The following LRRC4C variants were observed in gnomAD, a reference collection of about 807,000 sequenced individuals.
The protein encoded by LRRC4C is leucine-rich repeat-containing protein 4C.
A neutral mutation model predicts 33.6 loss-of-function variants in LRRC4C; 5 were observed. The ratio of observed to expected loss-of-function variants is 0.15; its 90% CI spans 0.08 to 0.31. LRRC4C has a LOEUF of 0.31. Among genes scored for constraint, LRRC4C ranks in the 10% least tolerant of loss-of-function variants. The probability of loss-of-function intolerance (pLI) is 1.00; values close to 1 mark genes in which losing one functional copy is unlikely to be tolerated. For synonymous variants in LRRC4C, 329 were observed against 302.0 expected (o/e 1.09, Z -0.93); for missense variants, 560 against 796.7 (o/e 0.70, Z 3.58).
At chr11:41,410,421 T>G (rs1010644634) in intron 1 of LRRC4C, among the ~76,000 whole-genome samples, 15 of 151,498 alleles carry the variant, frequency 9.9e-5, no homozygotes, top group African/African-American at 1.9e-4. Context: ...TTTTTCTTTT[T>G]TTTTTTTCGA....
At chr11:40,710,962 A>C (rs754927299) in intron 2 of LRRC4C, among the ~76,000 whole-genome samples, 4 of 152,018 alleles carry the variant, frequency 2.6e-5, no homozygotes, top group Non-Finnish European at 4.4e-5. Context: ...TGAGACTAGC[A>C]GTGGGCAAGG....
At chr11:40,891,932 G>C (rs933141433) in intron 2 of LRRC4C, among the ~76,000 whole-genome samples, 3 of 151,846 alleles carry the variant, frequency 2.0e-5, no homozygotes, top group South Asian at 4.2e-4. Context: ...TCAGGAGATC[G>C]AGACCATCCT....
intron 3 of LRRC4C, among the ~76,000 whole-genome samples, chr11:40,528,423 A>G (rs1956143825): frequency 6.6e-6 from 1 of 152,184 alleles, no homozygotes; most frequent in Admixed American, 6.5e-5. Context: ...CATTAGCAAA[A>G]TGAAAGTAAA....
At chr11:41,145,779 A>T (rs185074698) in intron 1 of LRRC4C, among the ~76,000 whole-genome samples, 2 of 152,288 alleles carry the variant, frequency 1.3e-5, no homozygotes, top group African/African-American at 4.8e-5. Flanking sequence ...TTCATGTGAC[A>T]CTTCTCTTTC....
At chr11:41,249,554 GC>G (rs1370146076) in intron 1 of LRRC4C, among the ~76,000 whole-genome samples, 2 of 151,984 alleles carry the variant, frequency 1.3e-5, no homozygotes, top group Admixed American at 6.6e-5. Context: ...CTTTTTGACT[GC>G]CTTTGCTTCC....
At chr11:41,293,185 A>G (rs970942354) in intron 1 of LRRC4C, among the ~76,000 whole-genome samples, 4 of 152,214 alleles carry the variant, frequency 2.6e-5, no homozygotes, top group South Asian at 2.1e-4. Flanking sequence ...TTTTAAACAT[A>G]TAAGTATATA....
intron 1 of LRRC4C, among the ~76,000 whole-genome samples, chr11:41,384,513 G>A (rs1172634370): frequency 6.6e-6 from 1 of 151,412 alleles, no homozygotes; most frequent in Non-Finnish European, 1.5e-5. Context: ...TTAAAAACAT[G>A]CCAACAAGTT....
intron 3 of LRRC4C, among the ~76,000 whole-genome samples, chr11:40,522,864 G>T (rs1039055985): frequency 1.3e-5 from 2 of 152,094 alleles, no homozygotes; most frequent in African/African-American, 4.8e-5. Context: ...TCATGTTACG[G>T]CATAGGTCCA....
intron 2 of LRRC4C, among the ~76,000 whole-genome samples, chr11:40,838,542 C>T (rs1952779981): frequency 6.6e-6 from 1 of 152,098 alleles, no homozygotes; most frequent in South Asian, 2.1e-4. Flanking sequence ...GAATTACTTT[C>T]TGTGTACTTG....
chr11:40,824,427 T>G (rs7935608), intron 2 of LRRC4C, among the ~76,000 whole-genome samples: 1 of 151,700 alleles, frequency 6.6e-6, no homozygotes, highest in East Asian at 1.9e-4. Context: ...GTCTTAATTC[T>G]TTCCTAAATA....
At chr11:41,211,127 G>T (rs907513271) in intron 1 of LRRC4C, among the ~76,000 whole-genome samples, 2 of 152,042 alleles carry the variant, frequency 1.3e-5, no homozygotes, top group African/African-American at 4.8e-5. Context: ...CAGGAGTTGG[G>T]GCCCCCTGGT....
chr11:40,697,800 T>C (rs1486229824), intron 2 of LRRC4C, among the ~76,000 whole-genome samples: 1 of 152,148 alleles, frequency 6.6e-6, no homozygotes, highest in Non-Finnish European at 1.5e-5. Flanking sequence ...CCGGGTGCCA[T>C]GGCTCACACC....
chr11:41,175,076 T>G (rs1329830223), intron 1 of LRRC4C, among the ~76,000 whole-genome samples: 1 of 152,078 alleles, frequency 6.6e-6, no homozygotes, highest in African/African-American at 2.4e-5. Flanking sequence ...AATCTGCACA[T>G]TTTTTCTTCC....
At chr11:40,943,730 G>A (rs1958259903) in intron 1 of LRRC4C, among the ~76,000 whole-genome samples, 1 of 152,182 alleles carries the variant, frequency 6.6e-6, no homozygotes, top group African/African-American at 2.4e-5. Flanking sequence ...AGTCTTTGAA[G>A]TGTTTGCACA....
chr11:40,367,399 A>T (rs895003173), intron 3 of LRRC4C, among the ~76,000 whole-genome samples: 3 of 152,156 alleles, frequency 2.0e-5, no homozygotes, highest in Non-Finnish European at 2.9e-5. Context: ...AGATTACACA[A>T]GAAAAAGGTC....
In LRRC4C at chr11:41,203,829, T is replaced by C. The variant is rs536749095; in HGVS notation, c.-496+255602A>G. Among the ~76,000 whole-genome samples, 16 of 152,338 alleles carry C rather than the reference T, an allele frequency of 1.1e-4. No individual in the cohort carries two copies. In the South Asian group the frequency reaches 1.7e-3, roughly 16 times the overall value. ...GTTACTAGAGCAGAGAAGATATCTG[T>C]ATATAAAACATTCACAGCCCAAAAT... On this transcript the variant is annotated intron_variant, in intron 1 of 6. Transcript: ENST00000528697.
intron 3 of LRRC4C, among the ~76,000 whole-genome samples, chr11:40,385,821 C>T (rs1451544140): frequency 6.7e-5 from 10 of 150,060 alleles, no homozygotes; most frequent in Non-Finnish European, 7.4e-5. Context: ...GAGCCGAGAT[C>T]GTGCCATTGT....
At chr11:40,248,980 C>T (rs962648657) in intron 4 of LRRC4C, among the ~76,000 whole-genome samples, 1 of 152,030 alleles carries the variant, frequency 6.6e-6, no homozygotes, top group African/African-American at 2.4e-5. Flanking sequence ...CCTAAGAGTA[C>T]CTGATACCCA....
At chr11:40,574,940 C>G (rs1958127404) in intron 3 of LRRC4C, among the ~76,000 whole-genome samples, 1 of 152,068 alleles carries the variant, frequency 6.6e-6, no homozygotes, top group South Asian at 2.1e-4. Context: ...CCCTGATAGC[C>G]AGAGTGTTGT....
Sources: gnomAD v4.1 joint callset for allele counts (sites outside exome capture counted in the v4.1 genomes callset) on GRCh38, gnomAD v4.1.1 for gene constraint, MANE v1.5 for transcripts, NCBI Gene and HGNC (gene_info 2026-07-23, HGNC 2026-07-21) for gene names.